CUX2: variants seen among roughly 807,000 people sequenced by gnomAD.
CUX2 encodes homeobox protein cut-like 2.
A neutral mutation model predicts 144.8 loss-of-function variants in CUX2; 40 were observed. The observed-to-expected ratio is 0.28, with a 90% CI of 0.21 to 0.36. The LOEUF (loss-of-function observed/expected upper bound fraction) is 0.36, where lower values mean the gene tolerates loss of function less well. Among genes scored for constraint, CUX2 ranks in the 10% least tolerant of loss-of-function variants. CUX2 has a pLI of 1.00. For missense variants in CUX2, 1,615 were observed against 1,994.0 expected, an observed-to-expected ratio of 0.81 and a Z score of 3.62; for synonymous variants, 827 against 875.6, an observed-to-expected ratio of 0.94 and a Z score of 0.98.
intron 1 of CUX2, among the ~76,000 whole-genome samples, chr12:111,199,372 A>G (rs1005194724): frequency 5.3e-5 from 8 of 152,232 alleles, no homozygotes; most frequent in African/African-American, 1.9e-4. Context: ...TGTGGTATCC[A>G]GCCCCATCTC....
chr12:111,152,858 G>A (rs1003023956), intron 1 of CUX2, among the ~76,000 whole-genome samples: 1 of 152,222 alleles, frequency 6.6e-6, no homozygotes, highest in African/African-American at 2.4e-5. Context: ...GATGGGGCCT[G>A]TGAGGCCACT....
intron 1 of CUX2, among the ~76,000 whole-genome samples, chr12:111,099,253 C>G (rs949347280): frequency 6.6e-6 from 1 of 152,206 alleles, no homozygotes; most frequent in African/African-American, 2.4e-5. Context: ...GCCAAAGGCT[C>G]GGAGGTGGGC....
chr12:111,274,736 G>A (rs1025196033), intron 4 of CUX2, among the ~76,000 whole-genome samples: 4 of 152,184 alleles, frequency 2.6e-5, no homozygotes, highest in African/African-American at 9.7e-5. Context: ...CCCCGCAGGC[G>A]CCCGGAGCCT....
At position 111,293,591 on chromosome 12, in the gene CUX2, G is replaced by A. The variant is rs1170611374; in HGVS notation, c.560+22G>A. 4.5e-6 allele frequency: 7 copies of A among 1,559,430 alleles called. No individual in the cohort carries two copies. The highest frequency in any genetic ancestry group is 1.3e-5 in the African/African-American group (1 of 74,122). ...AAAAGTGAGGAAGGGAAGGTGGGTG[G>A]GAGGGAGGAAGGAATGGGCAGGGCT... On this transcript the variant is annotated intron_variant, in intron 6 of 21. Transcript: ENST00000261726. This position sits in a 1 kb window ranked among gnomAD's most constrained non-coding sequence, Gnocchi z 4.5.
chr12:111,043,430 G>A (rs1869843270), intron 1 of CUX2, among the ~76,000 whole-genome samples: 1 of 152,114 alleles, frequency 6.6e-6, no homozygotes, highest in African/African-American at 2.4e-5. Flanking sequence ...CAGTATGGCC[G>A]GGAGAAGATT....
intron 3 of CUX2, among the ~76,000 whole-genome samples, chr12:111,259,188 C>T (rs532290331): frequency 6.6e-6 from 1 of 152,066 alleles, no homozygotes; most frequent in Non-Finnish European, 1.5e-5. Flanking sequence ...AGGTGTGAGC[C>T]ACTGTACCTG....
chr12:111,334,884 C>T (rs911755774), intron 19 of CUX2, among the ~76,000 whole-genome samples, 174 bp downstream of exon 19: 12 of 152,276 alleles, frequency 7.9e-5, no homozygotes, highest in African/African-American at 2.9e-4. Context: ...ACCTGGGCAG[C>T]ATAGCAAGAT....
In CUX2 at chr12:111,277,185, C is replaced by T. The variant is rs534909115; in HGVS notation, c.301+13346C>T. On this transcript the variant is annotated intron_variant, in intron 4 of 21. Coordinates refer to ENST00000261726, the MANE Select transcript of CUX2 (RefSeq NM_015267.4). The surrounding 1 kb of genome is among the most constrained non-coding windows in gnomAD (Gnocchi z 5.0). ...AACTCACATATGGAGGGCCGCAGCC[C>T]ACTCTGAACCCAGCTGCCACCCTCG... Among the ~76,000 whole-genome samples, 6 of 152,114 alleles carry T rather than the reference C, an allele frequency of 3.9e-5. No individual in the cohort carries two copies. Among genetic ancestry groups the T allele is most frequent in the Non-Finnish European group, 7.4e-5 (5 of 68,014 alleles).
chr12:111,333,385 A>G (rs1327206448), intron 18 of CUX2, among the ~76,000 whole-genome samples: 2 of 152,096 alleles, frequency 1.3e-5, no homozygotes. Context: ...CCCTGTCTCA[A>G]AATGAATTAA....
rs1371460206 is a variant in CUX2 at position 111,320,640 on chromosome 12, G to A, written c.2631G>A (p.Lys877=). 6.3e-7 allele frequency: 1 copy of A among 1,595,458 alleles called. No individual in the cohort carries two copies. The highest frequency in any genetic ancestry group is 2.2e-5 in the East Asian group (1 of 44,606). ...YYPAYVPRTL[K]PTVPPLTPEQ... is the part of the protein sequence containing the mutation. ...CGGCCTACGTGCCGCGCACCCTGAA[G>A]CCCACCGTGCCGCCGCTGACCCCCG... Residue 877 remains lysine, a synonymous_variant, in exon 17 of 22, where the codon AAG becomes AAA. Coordinates refer to ENST00000261726, the MANE Select transcript of CUX2 (RefSeq NM_015267.4). The surrounding 1 kb of genome is among the most constrained non-coding windows in gnomAD (Gnocchi z 8.1).
intron 5 of CUX2, among the ~76,000 whole-genome samples, chr12:111,292,186 A>C (rs1443661599): frequency 1.3e-5 from 2 of 152,236 alleles, no homozygotes; most frequent in Non-Finnish European, 2.9e-5. Flanking sequence ...GAAACAACTC[A>C]AGTGGCTTTC....
Position 111,314,395 on chromosome 12 carries a change from G to A in CUX2, c.2002+2194G>A, listed in dbSNP as rs553772528. On this transcript the variant is annotated intron_variant, in intron 16 of 21. Transcript: ENST00000261726. ...ACCATCTTCTCATCTGGGCCTCTGG[G>A]AGGCCGAGGCCAAGGCGGGCAGATC... is the stretch of plus-strand genomic sequence containing the variant. Among the ~76,000 whole-genome samples the A allele has an allele frequency of 1.8e-3, 279 of 152,176 alleles. 3 individuals carry two copies. Among genetic ancestry groups the A allele is most frequent in the East Asian group, 1.2e-3 (6 of 5,146 alleles).
At chr12:111,279,643 A>C (rs561064080) in intron 4 of CUX2, among the ~76,000 whole-genome samples, 6 of 151,848 alleles carry the variant, frequency 4.0e-5, no homozygotes, top group Non-Finnish European at 5.9e-5. Flanking sequence ...AGCTGTGATC[A>C]TGGCACTGCC....
At chr12:111,260,200 C>G (rs1002370293) in intron 3 of CUX2, among the ~76,000 whole-genome samples, 3 of 150,072 alleles carry the variant, frequency 2.0e-5, no homozygotes, top group Non-Finnish European at 4.4e-5. Flanking sequence ...CGCGGTGGCT[C>G]ACACCTGTAA....
chr12:111,136,596 T>C (rs1251796809), intron 1 of CUX2, among the ~76,000 whole-genome samples: 3 of 152,256 alleles, frequency 2.0e-5, no homozygotes, highest in Admixed American at 2.0e-4. Flanking sequence ...GGTTGGGCAC[T>C]GTGCTGAGAG....
At chr12:111,329,077 C>G (rs1272881335) in intron 18 of CUX2, among the ~76,000 whole-genome samples, 1 of 144,048 alleles carries the variant, frequency 6.9e-6, no homozygotes, top group Non-Finnish European at 1.5e-5. Flanking sequence ...TGCTCTGTCT[C>G]TTCCTCCCTG....
At chr12:111,148,726 T>C (rs1876857889) in intron 1 of CUX2, among the ~76,000 whole-genome samples, 1 of 152,152 alleles carries the variant, frequency 6.6e-6, no homozygotes, top group Admixed American at 6.5e-5. Context: ...CTGGGCCCGG[T>C]GGCTTACACC....
At chr12:111,102,728 TC>T (rs1165385041) in intron 1 of CUX2, among the ~76,000 whole-genome samples, 23 of 152,184 alleles carry the variant, frequency 1.5e-4, no homozygotes, top group African/African-American at 5.6e-4. Context: ...TTCTAGTTCT[TC>T]CAGTTGCCGA....
At chr12:111,123,028 C>T (rs1446986425) in intron 1 of CUX2, among the ~76,000 whole-genome samples, 2 of 152,190 alleles carry the variant, frequency 1.3e-5, no homozygotes, top group South Asian at 4.1e-4. Flanking sequence ...CCTTGGATGT[C>T]CGATGCAGCC....
Sources: gnomAD v4.1 joint callset for allele counts (sites outside exome capture counted in the v4.1 genomes callset) on GRCh38, gnomAD v4.1.1 for gene constraint, Gnocchi (gnomAD v3.1) non-coding constraint, MANE v1.5 for transcripts, NCBI Gene and HGNC (gene_info 2026-07-23, HGNC 2026-07-21) for gene names.